AGBL4: variants seen among roughly 807,000 people sequenced by gnomAD.
AGBL4 encodes cytosolic carboxypeptidase 6.
In AGBL4, 58 loss-of-function variants were observed where a neutral mutation model predicts 66.4. The ratio of observed to expected loss-of-function variants is 0.87; its 90% confidence interval spans 0.71 to 1.09. The LOEUF (loss-of-function observed/expected upper bound fraction) is 1.09. Among genes scored for constraint, AGBL4 ranks in the 50% least tolerant of loss-of-function variants. AGBL4 has a pLI of 0.00. For missense variants in AGBL4, 579 were observed against 631.0 expected, an observed-to-expected ratio of 0.92 and a Z score of 0.88; for synonymous variants, 234 against 222.9, an observed-to-expected ratio of 1.05 and a Z score of -0.44.
chr1:49,841,982 C>A, intron 2 of AGBL4: 1 of 484,430 alleles, frequency 2.1e-6, no homozygotes. Flanking sequence ...TCCTTGCACA[C>A]AGTCTCCTCC....
At chr1:48,587,260 C>T (rs986449287) in intron 10 of AGBL4, 94 bp from the exon 11 acceptor site, 4 of 1,288,094 alleles carry the variant, frequency 3.1e-6, no homozygotes. Flanking sequence ...CTCAGCTTCA[C>T]TGTCTGAAGA....
At chr1:49,983,826 G>A (rs762786612) in intron 1 of AGBL4, among the ~76,000 whole-genome samples, 1 of 152,176 alleles carries the variant, frequency 6.6e-6, no homozygotes, top group Non-Finnish European at 1.5e-5. Flanking sequence ...GCATTTCACT[G>A]TGACTCCCAG....
In AGBL4 at chr1:49,126,487, C is replaced by A. The variant is rs566978347; in HGVS notation, c.378-80687G>T. ...AAAGGAATTAAACTAAACTGGGGAT[C>A]TATTATAGGGCAGGCAGTTTATTCA... On this transcript the variant is annotated intron_variant, in intron 4 of 13. Transcript: ENST00000371839. 4.0e-4 allele frequency among the ~76,000 whole-genome samples: 61 copies of A among 152,050 alleles called. 1 individual carries two copies. The highest frequency in any genetic ancestry group is 2.1e-4 in the Non-Finnish European group (14 of 68,004).
intron 6 of AGBL4, among the ~76,000 whole-genome samples, chr1:48,859,191 C>A (rs1281065685): frequency 6.6e-6 from 1 of 152,098 alleles, no homozygotes; most frequent in Non-Finnish European, 1.5e-5. Context: ...ATTTTCCCAG[C>A]TTATTATTTC....
intron 6 of AGBL4, among the ~76,000 whole-genome samples, chr1:48,830,988 A>G (rs1646538389): frequency 6.6e-6 from 1 of 152,178 alleles, no homozygotes; most frequent in Non-Finnish European, 1.5e-5. Flanking sequence ...AGAAAACCCA[A>G]ATGGTTATAT....
At chr1:48,866,001 C>CT (rs1051768268) in intron 6 of AGBL4, among the ~76,000 whole-genome samples, 1 of 152,060 alleles carries the variant, frequency 6.6e-6, no homozygotes, top group Non-Finnish European at 1.5e-5. Context: ...ATAGAGTAAA[C>CT]TTTTTTTGAA....
At chr1:48,964,594 C>T (rs1658269877) in intron 5 of AGBL4, among the ~76,000 whole-genome samples, 1 of 152,124 alleles carries the variant, frequency 6.6e-6, no homozygotes, top group South Asian at 2.1e-4. Context: ...ATATGAATTC[C>T]TTCTCTTTTA....
chr1:49,329,295 A>T (rs1645283840), intron 3 of AGBL4, among the ~76,000 whole-genome samples: 1 of 152,044 alleles, frequency 6.6e-6, no homozygotes, highest in Non-Finnish European at 1.5e-5. Flanking sequence ...TGACAGAGGG[A>T]GATTCCGTCT....
At chr1:49,410,046 T>C (rs1229864735) in intron 3 of AGBL4, among the ~76,000 whole-genome samples, 4 of 152,182 alleles carry the variant, frequency 2.6e-5, no homozygotes, top group Non-Finnish European at 5.9e-5. Flanking sequence ...AGTACTACAA[T>C]GTAGGAAACT....
intron 5 of AGBL4, among the ~76,000 whole-genome samples, chr1:49,003,749 C>G (rs1247903749): frequency 6.6e-6 from 1 of 152,134 alleles, no homozygotes; most frequent in Non-Finnish European, 1.5e-5. Flanking sequence ...AGCCATCTCT[C>G]TTTTCTGGAG....
the AGBL4 span, among the ~76,000 whole-genome samples, chr1:48,523,776 T>A: frequency 6.6e-6 from 1 of 152,256 alleles, no homozygotes; most frequent in East Asian, 1.9e-4. Context: ...AGAAATGCAT[T>A]GTTAGGTGAT....
chr1:48,841,204 A>C (rs1646790378), intron 6 of AGBL4, among the ~76,000 whole-genome samples: 2 of 152,100 alleles, frequency 1.3e-5, no homozygotes, highest in South Asian at 4.1e-4. Flanking sequence ...TTACTCAAAT[A>C]TATACCTGTG....
At chr1:49,555,494 T>C (rs745522556) in intron 3 of AGBL4, among the ~76,000 whole-genome samples, 1 of 149,292 alleles carries the variant, frequency 6.7e-6, no homozygotes, top group Non-Finnish European at 1.5e-5. Flanking sequence ...CTTTTGTGTC[T>C]AGCTTTTGTG....
chr1:48,805,417 C>T (rs560336887), intron 6 of AGBL4, among the ~76,000 whole-genome samples: 3 of 152,194 alleles, frequency 2.0e-5, no homozygotes, highest in South Asian at 4.2e-4. Context: ...AATAGCTGTG[C>T]GGTAGAATCC....
chr1:48,698,946 C>T (rs1646757933), intron 6 of AGBL4, among the ~76,000 whole-genome samples: 1 of 152,200 alleles, frequency 6.6e-6, no homozygotes. Context: ...CTGGAATCAC[C>T]TCCCCACATC....
chr1:49,216,330 G>A (rs549864930), intron 4 of AGBL4, among the ~76,000 whole-genome samples: 1 of 152,192 alleles, frequency 6.6e-6, no homozygotes, highest in Non-Finnish European at 1.5e-5. Flanking sequence ...TGTATGCTAA[G>A]GTTTGGGATA....
At chr1:49,976,979 T>G in intron 1 of AGBL4, among the ~76,000 whole-genome samples, 1 of 152,254 alleles carries the variant, frequency 6.6e-6, no homozygotes, top group East Asian at 1.9e-4. Flanking sequence ...TTACTCAATA[T>G]ACACACATAC....
chr1:49,350,499 G>A (rs373336687), intron 3 of AGBL4, among the ~76,000 whole-genome samples: 33 of 152,184 alleles, frequency 2.2e-4, no homozygotes, highest in Non-Finnish European at 3.8e-4. Flanking sequence ...CACCGCGCCC[G>A]GCCCTGAATA....
intron 3 of AGBL4, among the ~76,000 whole-genome samples, chr1:49,622,524 G>C (rs1262601778): frequency 6.7e-6 from 1 of 149,086 alleles, no homozygotes; most frequent in Admixed American, 6.7e-5. Flanking sequence ...AGCTACTTGG[G>C]AGGCTGAGGC....
Sources: allele counts gnomAD v4.1 joint callset (sites outside exome capture counted in the v4.1 genomes callset), GRCh38; gene constraint gnomAD v4.1.1; transcripts MANE v1.5; gene names NCBI Gene and HGNC (gene_info 2026-07-23, HGNC 2026-07-21).